Variants in MPDZ observed in about 807,000 individuals in gnomAD.
MPDZ encodes the protein multiple PDZ domain protein.
A neutral mutation model predicts 239.1 loss-of-function variants in MPDZ; 234 were observed. That is an observed-to-expected ratio of 0.98 (90% confidence interval 0.88 to 1.09). MPDZ has a LOEUF of 1.09. MPDZ is among the 50% of genes least tolerant of loss of function. The pLI is 0.00. For missense variants in MPDZ, 3,175 were observed against 2,510.0 expected (o/e 1.26, Z -5.66); for synonymous variants, 1,048 against 881.3 (o/e 1.19, Z -3.35).
At chr9:13,228,102 A>C (rs1043961639) in intron 3 of MPDZ, among the ~76,000 whole-genome samples, 2 of 152,166 alleles carry the variant, frequency 1.3e-5, no homozygotes, top group African/African-American at 4.8e-5. Flanking sequence ...TAGAATATAA[A>C]ATAAACAAAA....
chr9:13,245,927 A>G (rs549935047), intron 3 of MPDZ, among the ~76,000 whole-genome samples: 25 of 152,210 alleles, frequency 1.6e-4, no homozygotes, highest in African/African-American at 6.0e-4. Context: ...ATTTCAAGTT[A>G]TCTCACTGGG....
At chr9:13,169,165 G>A (rs1951473183) in intron 21 of MPDZ, among the ~76,000 whole-genome samples, 1 of 152,118 alleles carries the variant, frequency 6.6e-6, no homozygotes, top group African/African-American at 2.4e-5. Context: ...ATAACAGTTT[G>A]TTGAAATGAA....
At chr9:13,269,655 G>A (rs1972532454) in intron 1 of MPDZ, among the ~76,000 whole-genome samples, 1 of 152,114 alleles carries the variant, frequency 6.6e-6, no homozygotes, top group African/African-American at 2.4e-5. Context: ...CACAATAAAA[G>A]AAGTATTTTT....
At chr9:13,266,280 G>C (rs1971770598) in intron 1 of MPDZ, among the ~76,000 whole-genome samples, 1 of 152,124 alleles carries the variant, frequency 6.6e-6, no homozygotes, top group South Asian at 2.1e-4. Flanking sequence ...AAGTCCTCTG[G>C]GAAGAAAACA....
At chr9:13,125,446 T>C (rs1158492021) in intron 34 of MPDZ, 56 bp from the exon 35 acceptor site, 17 of 1,460,910 alleles carry the variant, frequency 1.2e-5, no homozygotes, top group Non-Finnish European at 1.5e-5. Flanking sequence ...TTAGTAGACA[T>C]ACCAATGAGT....
intron 1 of MPDZ, among the ~76,000 whole-genome samples, chr9:13,254,836 T>C (rs1969030271): frequency 6.6e-6 from 1 of 152,222 alleles, no homozygotes; most frequent in Non-Finnish European, 1.5e-5. Context: ...TCACAGTCTT[T>C]GAGCTGGTGG....
In MPDZ at chr9:13,158,030, T is replaced by C; in HGVS notation, c.3440A>G (p.Asn1147Ser). Residue 1147 changes from asparagine to serine, a missense_variant, in exon 24 of 47, where the codon AAT becomes AGT. Physicochemically the swap from Asn to Ser is conservative, Grantham distance 46. Transcript: ENST00000319217. ...ELQNTAYSNW[N>S]QPRRVELWRE... ...AAATAGTCCTTACCGCCTGGGCTGA[T>C]TCCAATTGCTATATGCTGTGTTTTG... is the stretch of plus-strand genomic sequence containing the variant. The C allele has an allele frequency of 3.7e-6, 6 of 1,612,568 alleles. No homozygotes were observed. Among genetic ancestry groups the C allele is most frequent in the Non-Finnish European group, 5.1e-6 (6 of 1,179,070 alleles).
chr9:13,200,936 A>G (rs1381147979), intron 12 of MPDZ, among the ~76,000 whole-genome samples: 1 of 152,102 alleles, frequency 6.6e-6, no homozygotes, highest in African/African-American at 2.4e-5. Context: ...AATTTGGTCT[A>G]CAATGAAGTC....
intron 19 of MPDZ, 93 bp from the exon 20 acceptor site, chr9:13,176,510 G>T: frequency 9.8e-7 from 1 of 1,021,976 alleles, no homozygotes; most frequent in Non-Finnish European, 1.3e-6. Flanking sequence ...CAACTATTTA[G>T]TGAAATGTAA....
rs766943515 is a variant in MPDZ, at chr9:13,106,959, G to A, written c.*6C>T. ...GGGTTGGGTTGGTTCAATTCTGGCA[G>A]CCAATTCAAGAGAGAACCATCAAAG... is the stretch of plus-strand genomic sequence containing the variant. On this transcript the variant is annotated 3_prime_UTR_variant, in exon 47 of 47. Coordinates refer to ENST00000319217, the MANE Select transcript of MPDZ (RefSeq NM_001378778.1). 4 of 1,612,964 alleles carry A rather than the reference G, an allele frequency of 2.5e-6. No individual in the cohort carries two copies. The Admixed American group carries it at 6.7e-5, about 27-fold the overall frequency.
intron 2 of MPDZ, among the ~76,000 whole-genome samples, chr9:13,249,993 A>G (rs1967501814): frequency 6.6e-6 from 1 of 152,340 alleles, no homozygotes; most frequent in East Asian, 1.9e-4. Context: ...CCAGAAATAG[A>G]TATTAACCAG....
chr9:13,244,370 C>G (rs1966099945), intron 3 of MPDZ, among the ~76,000 whole-genome samples: 1 of 152,142 alleles, frequency 6.6e-6, no homozygotes, highest in African/African-American at 2.4e-5. Context: ...GACTAGGTGA[C>G]AGTGAGGACA....
At chr9:13,160,871 A>ATATATAT (rs1950401710) in intron 23 of MPDZ, among the ~76,000 whole-genome samples, 3 of 25,636 alleles carry the variant, frequency 1.2e-4, no homozygotes, top group Non-Finnish European at 2.9e-4. Context: ...TATATATATA[A>ATATATAT]AACAGGTACT....
chr9:13,249,201 T>C (rs1588110218), intron 2 of MPDZ, among the ~76,000 whole-genome samples: 1 of 151,818 alleles, frequency 6.6e-6, no homozygotes, highest in East Asian at 1.9e-4. Flanking sequence ...AAGATACACA[T>C]GAGCATCTTA....
At chr9:13,233,300 G>A (rs189639754) in intron 3 of MPDZ, among the ~76,000 whole-genome samples, 19 of 152,190 alleles carry the variant, frequency 1.2e-4, no homozygotes, top group Non-Finnish European at 2.4e-4. Flanking sequence ...CAACAGAAGA[G>A]TGGACAAGTA....
chr9:13,238,128 C>A (rs1964533820), intron 3 of MPDZ, among the ~76,000 whole-genome samples: 1 of 152,128 alleles, frequency 6.6e-6, no homozygotes, highest in South Asian at 2.1e-4. Context: ...AAAGAGCAGC[C>A]TGTGAAACTG....
intron 2 of MPDZ, among the ~76,000 whole-genome samples, chr9:13,249,126 A>ACACG (rs1967191260): frequency 6.6e-6 from 1 of 151,352 alleles, no homozygotes; most frequent in Non-Finnish European, 1.5e-5. Context: ...ACACACACAC[A>ACACG]CACACACACA....
chr9:13,144,352 G>C (rs924592241), intron 26 of MPDZ, among the ~76,000 whole-genome samples: 2 of 151,918 alleles, frequency 1.3e-5, no homozygotes, highest in Non-Finnish European at 2.9e-5. Context: ...CAGACTGTTA[G>C]AGTTGAAAAT....
At chr9:13,118,009 TA>T (rs1442922679) in intron 39 of MPDZ, among the ~76,000 whole-genome samples, 1 of 151,916 alleles carries the variant, frequency 6.6e-6, no homozygotes, top group Non-Finnish European at 1.5e-5. Flanking sequence ...CACACCTGGC[TA>T]ATTTTGTATT....
Sources: allele counts gnomAD v4.1 joint callset (sites outside exome capture counted in the v4.1 genomes callset), GRCh38; gene constraint gnomAD v4.1.1; transcripts MANE v1.5; gene names NCBI Gene and HGNC (gene_info 2026-07-23, HGNC 2026-07-21).